SLC24A2: variants seen among roughly 807,000 people sequenced by gnomAD.
SLC24A2 encodes sodium/potassium/calcium exchanger 2.
A neutral mutation model predicts 62.0 loss-of-function variants in SLC24A2; 36 were observed. The ratio of observed to expected loss-of-function variants is 0.58; its 90% confidence interval spans 0.44 to 0.77. The LOEUF (loss-of-function observed/expected upper bound fraction) is 0.77. Among genes scored for constraint, SLC24A2 ranks in the 30% least tolerant of loss-of-function variants. SLC24A2 has a pLI of 0.00. For synonymous variants in SLC24A2, 358 were observed against 294.0 expected (o/e 1.22, Z -2.23); for missense variants, 846 against 817.9 (o/e 1.03, Z -0.42).
chr9:20,218,073 G>C, the SLC24A2 span, among the ~76,000 whole-genome samples: 2 of 152,160 alleles, frequency 1.3e-5, no homozygotes, highest in Non-Finnish European at 2.9e-5. Flanking sequence ...TTCCACAGAG[G>C]AGTGCCTGCA....
At chr9:20,105,335 G>T in the SLC24A2 span, among the ~76,000 whole-genome samples, 1 of 152,138 alleles carries the variant, frequency 6.6e-6, no homozygotes, top group African/African-American at 2.4e-5. Context: ...ACTCAGCTTT[G>T]CACCAAGCGG....
At chr9:20,221,474 CAG>C in the SLC24A2 span, among the ~76,000 whole-genome samples, 1 of 151,622 alleles carries the variant, frequency 6.6e-6, no homozygotes, top group Non-Finnish European at 1.5e-5. Context: ...ATGATGAGGA[CAG>C]AGGAGTTGTC....
intron 2 of SLC24A2, among the ~76,000 whole-genome samples, chr9:19,741,966 A>G (rs996659650): frequency 2.0e-5 from 3 of 152,260 alleles, no homozygotes; most frequent in African/African-American, 7.2e-5. Context: ...TAATGTAGTT[A>G]GTATAGTATG....
the SLC24A2 span, among the ~76,000 whole-genome samples, chr9:20,187,355 G>C: frequency 6.6e-6 from 1 of 152,244 alleles, no homozygotes; most frequent in South Asian, 2.1e-4. Context: ...AGAACAGATA[G>C]TAAAAGAGAG....
the SLC24A2 span, among the ~76,000 whole-genome samples, chr9:19,807,992 T>A: frequency 6.6e-6 from 1 of 152,230 alleles, no homozygotes; most frequent in Non-Finnish European, 1.5e-5. Flanking sequence ...AGAAGACTTA[T>A]AGAGCAAATT....
At chr9:19,695,820 T>A (rs1256585635) in intron 2 of SLC24A2, among the ~76,000 whole-genome samples, 1 of 151,840 alleles carries the variant, frequency 6.6e-6, no homozygotes, top group East Asian at 1.9e-4. Flanking sequence ...AGTATCTCAA[T>A]ACAGATACAC....
intron 5 of SLC24A2, among the ~76,000 whole-genome samples, chr9:19,593,212 G>A (rs1157723504): frequency 6.6e-6 from 1 of 152,132 alleles, no homozygotes; most frequent in Non-Finnish European, 1.5e-5. Context: ...AGCACCTAGG[G>A]TCTACTCATC....
At chr9:20,299,186 A>T in the SLC24A2 span, among the ~76,000 whole-genome samples, 1 of 152,162 alleles carries the variant, frequency 6.6e-6, no homozygotes, top group African/African-American at 2.4e-5. Flanking sequence ...GAATAATAAA[A>T]ATTAGCCCTT....
intron 7 of SLC24A2, among the ~76,000 whole-genome samples, chr9:19,552,181 T>C (rs1317441397): frequency 6.6e-6 from 1 of 152,232 alleles, no homozygotes; most frequent in Non-Finnish European, 1.5e-5. Flanking sequence ...CTCCCATCTT[T>C]GGTGGAAGCT....
chr9:20,129,011 A>T, the SLC24A2 span, among the ~76,000 whole-genome samples: 1 of 152,110 alleles, frequency 6.6e-6, no homozygotes, highest in Non-Finnish European at 1.5e-5. Context: ...AAGTCACAGG[A>T]TGGAGAAAAT....
At chr9:20,007,960 A>G in the SLC24A2 span, among the ~76,000 whole-genome samples, 663 of 119,886 alleles carry the variant, frequency 5.5e-3, 3 homozygotes, top group Middle Eastern at 8.3e-3. Context: ...AAGTGGCATG[A>G]TCTCGGTTCA....
chr9:19,884,928 G>A, the SLC24A2 span, among the ~76,000 whole-genome samples: 1 of 152,120 alleles, frequency 6.6e-6, no homozygotes, highest in Non-Finnish European at 1.5e-5. Context: ...ACTTACGATG[G>A]ATTTATTGGG....
chr9:19,536,129 T>G (rs1833959702), intron 8 of SLC24A2, among the ~76,000 whole-genome samples: 1 of 151,660 alleles, frequency 6.6e-6, no homozygotes, highest in African/African-American at 2.4e-5. Flanking sequence ...CACTCATGAT[T>G]TGGCTCTCTG....
At chr9:20,143,000 A>G in the SLC24A2 span, among the ~76,000 whole-genome samples, 4 of 152,216 alleles carry the variant, frequency 2.6e-5, no homozygotes, top group African/African-American at 9.7e-5. Flanking sequence ...TTTCTGTGAA[A>G]CAGATATGAC....
chr9:19,961,025 T>TGG, the SLC24A2 span, among the ~76,000 whole-genome samples: 3 of 135,856 alleles, frequency 2.2e-5, no homozygotes, highest in Middle Eastern at 3.5e-3. Context: ...GAGGGGTGGG[T>TGG]GTGTGTGTGT....
the SLC24A2 span, among the ~76,000 whole-genome samples, chr9:20,237,444 T>G: frequency 6.6e-6 from 1 of 152,274 alleles, no homozygotes; most frequent in East Asian, 1.9e-4. Flanking sequence ...CTAGCATTCA[T>G]GCTCTCTGCA....
At chr9:19,866,771 G>C in the SLC24A2 span, among the ~76,000 whole-genome samples, 25 of 151,796 alleles carry the variant, frequency 1.6e-4, no homozygotes, top group African/African-American at 5.8e-4. Context: ...TGAGTAGCTG[G>C]GACTACAGGC....
At chr9:19,983,986 T>C in the SLC24A2 span, among the ~76,000 whole-genome samples, 1 of 152,234 alleles carries the variant, frequency 6.6e-6, no homozygotes, top group Middle Eastern at 3.2e-3. Context: ...GTTATACGCA[T>C]TCAGTATGCT....
chr9:20,230,229 A>G, the SLC24A2 span, among the ~76,000 whole-genome samples: 46 of 152,288 alleles, frequency 3.0e-4, no homozygotes, highest in Admixed American at 2.0e-3. Context: ...CATGTTTTAT[A>G]ATCCTTTGGG....
Sources: allele counts gnomAD v4.1 joint callset (sites outside exome capture counted in the v4.1 genomes callset), GRCh38; gene constraint gnomAD v4.1.1; transcripts MANE v1.5; gene names NCBI Gene and HGNC (gene_info 2026-07-23, HGNC 2026-07-21).